The following EEFSEC variants were observed in gnomAD, a reference collection of about 807,000 sequenced individuals.
EEFSEC encodes selenocysteine-specific elongation factor.
A neutral mutation model predicts 42.1 loss-of-function variants in EEFSEC; 43 were observed. The observed-to-expected ratio is 1.02, with a 90% CI of 0.80 to 1.32. EEFSEC has a LOEUF of 1.32. Ranked by LOEUF, EEFSEC falls within the 40% of genes most tolerant of loss-of-function variation. The pLI is 0.00. For synonymous variants in EEFSEC, 354 were observed against 339.1 expected (o/e 1.04, Z -0.48); for missense variants, 745 against 803.6 (o/e 0.93, Z 0.88).
At chr3:128,350,281 C>T (rs997267379) in intron 5 of EEFSEC, among the ~76,000 whole-genome samples, 9 of 152,224 alleles carry the variant, frequency 5.9e-5, no homozygotes, top group Admixed American at 1.3e-4. Flanking sequence ...ACAGCTTGGG[C>T]CCCATCATTC....
chr3:128,170,345 C>T (rs568437667), intron 1 of EEFSEC, among the ~76,000 whole-genome samples: 1 of 152,296 alleles, frequency 6.6e-6, no homozygotes, highest in East Asian at 1.9e-4. Flanking sequence ...GGTGGATCAC[C>T]TGAAGCAGGA....
intron 4 of EEFSEC, among the ~76,000 whole-genome samples, chr3:128,306,839 G>C (rs1174882011): frequency 6.6e-6 from 1 of 152,242 alleles, no homozygotes; most frequent in African/African-American, 2.4e-5. Context: ...ATTGCTAATT[G>C]GTTGAGCTGT....
In EEFSEC at chr3:128,408,446, G is replaced by T; in HGVS notation, c.*187G>T. On this transcript the variant is annotated 3_prime_UTR_variant, in exon 7 of 7. Transcript: ENST00000254730. ...GGGGGATGGGTTGCTGGGGCCAGGA[G>T]GGTCTCTCCTCCAGCCCCTGCACAC... 1 of 585,868 alleles carries T rather than the reference G, an allele frequency of 1.7e-6. No homozygotes were observed. Among genetic ancestry groups the T allele is most frequent in the Non-Finnish European group, 2.8e-6 (1 of 356,360 alleles). 36.3% of individuals were successfully genotyped at this position (585,868 alleles called of 1,614,324 possible).
chr3:128,301,133 T>A (rs150534678), intron 4 of EEFSEC, among the ~76,000 whole-genome samples: 1 of 152,310 alleles, frequency 6.6e-6, no homozygotes, highest in Admixed American at 6.5e-5. Context: ...GAGCATGTGA[T>A]ATGTGCAATG....
intron 6 of EEFSEC, among the ~76,000 whole-genome samples, chr3:128,360,036 A>G (rs2067504922): frequency 6.6e-6 from 1 of 152,196 alleles, no homozygotes; most frequent in Non-Finnish European, 1.5e-5. Flanking sequence ...TCTCCAGGGC[A>G]CTTTGTTCCC....
intron 4 of EEFSEC, among the ~76,000 whole-genome samples, chr3:128,287,119 A>G (rs1308740620): frequency 6.6e-6 from 1 of 152,228 alleles, no homozygotes; most frequent in East Asian, 1.9e-4. Context: ...CCCCTGATCT[A>G]TGGAAGCAAG....
At chr3:128,181,646 T>C (rs1266468171) in intron 1 of EEFSEC, among the ~76,000 whole-genome samples, 1 of 152,184 alleles carries the variant, frequency 6.6e-6, no homozygotes, top group Non-Finnish European at 1.5e-5. Flanking sequence ...GTATGTCTGA[T>C]CCTTATGCAC....
rs2066703782 is a variant in EEFSEC, at chr3:128,296,143, C to G, written c.786+31362C>G. Among the ~76,000 whole-genome samples the G allele has an allele frequency of 2.0e-5, 3 of 152,166 alleles. No homozygotes were observed. In the South Asian group the frequency reaches 6.2e-4, roughly 32 times the overall value. On this transcript the variant is annotated intron_variant, in intron 4 of 6. Transcript: ENST00000254730. ...TGCCTTTGGTGGGAGAGGGCCCTGG[C>G]AGAGCATGAGATTTCATCATCCTGA...
At chr3:128,396,556 G>A (rs2067984032) in intron 6 of EEFSEC, among the ~76,000 whole-genome samples, 1 of 152,196 alleles carries the variant, frequency 6.6e-6, no homozygotes, top group Non-Finnish European at 1.5e-5. Context: ...CATCCATGCA[G>A]GAGTTGGACA....
At chr3:128,214,543 T>C (rs947288867) in intron 1 of EEFSEC, among the ~76,000 whole-genome samples, 3 of 152,232 alleles carry the variant, frequency 2.0e-5, no homozygotes, top group Non-Finnish European at 4.4e-5. Context: ...TTAGAAAATA[T>C]GATATGAGAT....
At chr3:128,154,105 T>C (rs1033584483) in intron 1 of EEFSEC, among the ~76,000 whole-genome samples, 2 of 150,292 alleles carry the variant, frequency 1.3e-5, no homozygotes, top group African/African-American at 4.9e-5. Flanking sequence ...CAAATGTGTT[T>C]ATAATACATG....
At chr3:128,348,489 A>G (rs947168870) in intron 5 of EEFSEC, among the ~76,000 whole-genome samples, 1 of 152,188 alleles carries the variant, frequency 6.6e-6, no homozygotes, top group Non-Finnish European at 1.5e-5. Context: ...ACAGTCCTCT[A>G]TTACATTCTA....
chr3:128,336,103 C>T (rs760746031), intron 4 of EEFSEC, among the ~76,000 whole-genome samples: 1 of 152,132 alleles, frequency 6.6e-6, no homozygotes, highest in Admixed American at 6.5e-5. Context: ...GCCTCAGAGA[C>T]AGCTCCTACT....
At chr3:128,263,358 C>T (rs753202454) in intron 3 of EEFSEC, among the ~76,000 whole-genome samples, 13 of 152,234 alleles carry the variant, frequency 8.5e-5, no homozygotes, top group Non-Finnish European at 1.5e-4. Context: ...CACCTGGCTC[C>T]GCAGAGCCAA....
chr3:128,184,479 A>G lies in EEFSEC; in HGVS notation c.316+30656A>G, dbSNP rs1419793028. On this transcript the variant is annotated intron_variant, in intron 1 of 6. Coordinates refer to ENST00000254730, the MANE Select transcript of EEFSEC (RefSeq NM_021937.5). Reference sequence around the variant, plus strand: ...GGCATAATGTTCTCAGAGTTCATACATGTTGTAGCATGTGTCAGAATTTCC... The same window carrying G: ...GGCATAATGTTCTCAGAGTTCATACGTGTTGTAGCATGTGTCAGAATTTCC... 2.0e-5 allele frequency among the ~76,000 whole-genome samples: 3 copies of G among 152,200 alleles called. No individual in the cohort carries two copies. The East Asian group carries it at 5.8e-4, about 29-fold the overall frequency.
chr3:128,349,394 G>C (rs944841603), intron 5 of EEFSEC, among the ~76,000 whole-genome samples: 1 of 152,224 alleles, frequency 6.6e-6, no homozygotes, highest in Non-Finnish European at 1.5e-5. Flanking sequence ...CTGGGCACCT[G>C]GTCGTCTGGA....
intron 6 of EEFSEC, among the ~76,000 whole-genome samples, chr3:128,389,242 C>T (rs1207633499): frequency 6.6e-6 from 1 of 152,236 alleles, no homozygotes; most frequent in African/African-American, 2.4e-5. Context: ...GAGGACATCA[C>T]AGCCCTGCAG....
chr3:128,380,921 G>GT (rs1372430872), intron 6 of EEFSEC, among the ~76,000 whole-genome samples: 1 of 152,206 alleles, frequency 6.6e-6, no homozygotes, highest in Admixed American at 6.5e-5. Flanking sequence ...CTGACTCACC[G>GT]TTCCCGCCAG....
intron 1 of EEFSEC, among the ~76,000 whole-genome samples, chr3:128,154,849 T>G (rs574707840): frequency 6.6e-6 from 1 of 152,350 alleles, no homozygotes; most frequent in East Asian, 1.9e-4. Context: ...ACAGAACTCT[T>G]TGGTATGTTC....
Sources: allele counts gnomAD v4.1 joint callset (sites outside exome capture counted in the v4.1 genomes callset), GRCh38; gene constraint gnomAD v4.1.1; transcripts MANE v1.5; gene names NCBI Gene and HGNC (gene_info 2026-07-23, HGNC 2026-07-21).